The following PLA2G6 variants were observed in gnomAD, a reference collection of about 807,000 sequenced individuals.
PLA2G6 encodes 85/88 kDa calcium-independent phospholipase A2.
A neutral mutation model predicts 83.8 loss-of-function variants in PLA2G6; 62 were observed. The ratio of observed to expected loss-of-function variants is 0.74; its 90% confidence interval spans 0.60 to 0.91. The LOEUF is 0.91. PLA2G6 is among the 40% of genes least tolerant of loss of function. PLA2G6 has a pLI of 0.00. For synonymous variants in PLA2G6, 417 were observed against 449.8 expected, an observed-to-expected ratio of 0.93 and a Z score of 0.92; for missense variants, 944 against 1,102.0, an observed-to-expected ratio of 0.86 and a Z score of 2.03.
At chr22:38,170,323 T>C (rs958309230) in intron 1 of PLA2G6, among the ~76,000 whole-genome samples, 1 of 151,688 alleles carries the variant, frequency 6.6e-6, no homozygotes, top group Admixed American at 6.6e-5. Context: ...AAGGGGATCA[T>C]CGGCATTGGT....
At chr22:38,176,780 GTA>G (rs1162742003) in intron 1 of PLA2G6, among the ~76,000 whole-genome samples, 1 of 152,164 alleles carries the variant, frequency 6.6e-6, no homozygotes, top group Non-Finnish European at 1.5e-5. Flanking sequence ...GCTCACACCT[GTA>G]ATCCCAGCAC....
intron 1 of PLA2G6, among the ~76,000 whole-genome samples, chr22:38,180,074 T>C (rs2090784854): frequency 6.6e-6 from 1 of 150,986 alleles, no homozygotes; most frequent in Non-Finnish European, 1.5e-5. Context: ...AACACACTCT[T>C]CACTACGGCC....
intron 2 of PLA2G6, among the ~76,000 whole-genome samples, chr22:38,153,432 CT>C (rs1202688281): frequency 1.3e-5 from 2 of 152,230 alleles, no homozygotes; most frequent in Admixed American, 6.5e-5. Flanking sequence ...ATCTTTCTGC[CT>C]TCCCCAAGTT....
chr22:38,131,274 C>A (rs1170480528), intron 7 of PLA2G6: 2 of 152,212 alleles, frequency 1.3e-5, no homozygotes, highest in Non-Finnish European at 2.9e-5. Context: ...ATCTGACCAT[C>A]TTGGCCTCCC....
rs535507569 is a variant in PLA2G6 at position 38,126,303 on chromosome 22, C to G, written c.1427+68G>C. 4.3e-5 allele frequency: 53 copies of G among 1,219,620 alleles called. No individual in the cohort carries two copies. The Middle Eastern group carries it at 9.6e-4, about 22-fold the overall frequency. The allele number at this position is 1,219,620 out of a possible 1,614,324, so 75.5% of individuals were successfully genotyped here. A position where few individuals can be genotyped will look rare whatever the true frequency, so the allele number is the denominator to read the frequency against. Reference sequence around the variant, plus strand: ...AGAGAGTAAAGCCCTGAGCCCACAACAGGGGGTGGGTGAGGGGCAGGAAAG... The same window carrying G: ...AGAGAGTAAAGCCCTGAGCCCACAAGAGGGGGTGGGTGAGGGGCAGGAAAG... On this transcript the variant is annotated intron_variant, in intron 10 of 16. Transcript: ENST00000332509.
At chr22:38,116,851 C>CAAAAAAAAA (rs57712042) in intron 12 of PLA2G6, among the ~76,000 whole-genome samples, 36 of 37,650 alleles carry the variant, frequency 9.6e-4, no homozygotes, top group African/African-American at 1.2e-3. Context: ...AACTCCGTCT[C>CAAAAAAAAA]AAAAAAAAAA....
At chr22:38,150,067 A>AAAC (rs908777151) in intron 2 of PLA2G6, 3 of 151,390 alleles carry the variant, frequency 2.0e-5, no homozygotes, top group African/African-American at 7.3e-5. Flanking sequence ...AAAAAAAAAA[A>AAAC]ACACATAGAA....
At chr22:38,175,397 C>T (rs2090595254) in intron 1 of PLA2G6, among the ~76,000 whole-genome samples, 2 of 152,262 alleles carry the variant, frequency 1.3e-5, no homozygotes, top group South Asian at 4.1e-4. Flanking sequence ...CATGACCTCC[C>T]AGGGAAAGCC....
At chr22:38,125,337 C>T (rs147528885) in intron 10 of PLA2G6, among the ~76,000 whole-genome samples, 27 of 152,182 alleles carry the variant, frequency 1.8e-4, no homozygotes, top group African/African-American at 6.0e-4. Flanking sequence ...TGTGTGTGTG[C>T]GTGTGCCCGC....
intron 2 of PLA2G6, among the ~76,000 whole-genome samples, chr22:38,156,843 C>G (rs368956194): frequency 6.6e-6 from 1 of 152,088 alleles, no homozygotes; most frequent in East Asian, 1.9e-4. Context: ...ATTTTGCACA[C>G]CATACGAACA....
intron 1 of PLA2G6, among the ~76,000 whole-genome samples, chr22:38,175,254 C>T (rs1331048893): frequency 6.6e-6 from 1 of 152,188 alleles, no homozygotes; most frequent in Admixed American, 6.5e-5. Flanking sequence ...CAGCTGCCCC[C>T]TCTGAATGCT....
intron 4 of PLA2G6, chr22:38,142,741 G>T: frequency 2.7e-6 from 1 of 367,226 alleles, no homozygotes; most frequent in Non-Finnish European, 5.3e-6. Context: ...CTTGCAAAAG[G>T]TTAAGCCCAG....
At chr22:38,126,098 G>A (rs1157920989) in intron 10 of PLA2G6, 6 of 510,876 alleles carry the variant, frequency 1.2e-5, no homozygotes, top group African/African-American at 7.7e-5. Context: ...AGGAGATCAG[G>A]GAGGGAGGCC....
chr22:38,152,070 T>C (rs1287225751), intron 2 of PLA2G6, among the ~76,000 whole-genome samples: 1 of 152,180 alleles, frequency 6.6e-6, no homozygotes, highest in African/African-American at 2.4e-5. Context: ...TAAATTTTGA[T>C]TCCAATGTTG....
chr22:38,165,203 T>C (rs1311040840), intron 2 of PLA2G6, among the ~76,000 whole-genome samples: 2 of 152,152 alleles, frequency 1.3e-5, no homozygotes, highest in Non-Finnish European at 2.9e-5. Flanking sequence ...ATGAATACTC[T>C]AAAGCTAAAT....
intron 10 of PLA2G6, among the ~76,000 whole-genome samples, chr22:38,124,575 G>A (rs1053388086): frequency 1.3e-5 from 2 of 151,946 alleles, no homozygotes; most frequent in African/African-American, 2.4e-5. Flanking sequence ...TGATGCCATC[G>A]AGACCCTCCC....
At position 38,169,224 on chromosome 22, in the gene PLA2G6, C is replaced by G. The variant is rs1305762924; in HGVS notation, c.203G>C (p.Gly68Ala). 6.2e-7 allele frequency: 1 copy of G among 1,612,444 alleles called. No homozygotes were observed. Among genetic ancestry groups the G allele is most frequent in the Admixed American group, 1.7e-5 (1 of 59,984 alleles). The change falls in exon 2 of 17, where the codon GGA becomes GCA. Residue 68 changes from glycine to alanine, a missense_variant. Physicochemically the swap from Gly to Ala is moderately conservative, Grantham distance 60. Coordinates refer to ENST00000332509, the MANE Select transcript of PLA2G6 (RefSeq NM_003560.4). ...CCCGCTGAGCATCACCCACCGGAAT[C>G]CACTCTGTGAGTTCCTGGGGTTGAC... The part of the protein sequence containing the change: ...VLVNPRNSQS[G>A]FRLFQLELEA...
At chr22:38,176,822 G>A (rs906907135) in intron 1 of PLA2G6, among the ~76,000 whole-genome samples, 3 of 152,132 alleles carry the variant, frequency 2.0e-5, no homozygotes, top group African/African-American at 7.2e-5. Context: ...CAGATCACCT[G>A]AGGTCAGAAG....
intron 1 of PLA2G6, 148 bp from the exon 2 acceptor site, chr22:38,169,619 G>T (rs2090357488): frequency 1.6e-6 from 1 of 624,238 alleles, no homozygotes. Context: ...AAAAGGAGGG[G>T]AAAGAAAGAG....
Sources: gnomAD v4.1 joint callset for allele counts (sites outside exome capture counted in the v4.1 genomes callset) on GRCh38, gnomAD v4.1.1 for gene constraint, MANE v1.5 for transcripts, NCBI Gene and HGNC (gene_info 2026-07-23, HGNC 2026-07-21) for gene names.